Variants in ANO2 observed in about 807,000 individuals in gnomAD.
ANO2 encodes anoctamin 2.
A neutral mutation model predicts 124.2 loss-of-function variants in ANO2; 101 were observed. That is an observed-to-expected ratio of 0.81 (90% CI 0.69 to 0.96). ANO2 has a LOEUF of 0.96. ANO2 is among the 40% of genes least tolerant of loss of function. The pLI is 0.00. For missense variants in ANO2, 1,293 were observed against 1,274.5 expected (o/e 1.01, Z -0.22); for synonymous variants, 486 against 482.5 (o/e 1.01, Z -0.09).
intron 14 of ANO2, among the ~76,000 whole-genome samples, chr12:5,698,828 C>G (rs1949292786): frequency 6.6e-6 from 1 of 152,112 alleles, no homozygotes; most frequent in South Asian, 2.1e-4. Context: ...ATTCGATCAA[C>G]TGGAAGACAG....
At chr12:5,906,411 C>A (rs181969376) in intron 3 of ANO2, among the ~76,000 whole-genome samples, 4 of 151,730 alleles carry the variant, frequency 2.6e-5, no homozygotes, top group African/African-American at 9.7e-5. Flanking sequence ...CCTGTAATCC[C>A]AGTACTTTGG....
chr12:5,611,987 A>G (rs535047051), intron 19 of ANO2, among the ~76,000 whole-genome samples: 100 of 152,356 alleles, frequency 6.6e-4, no homozygotes, highest in African/African-American at 2.0e-3. Context: ...ATTCTTCTTC[A>G]AAGCCACCAG....
At chr12:5,833,647 C>T (rs1305280920) in intron 4 of ANO2, among the ~76,000 whole-genome samples, 1 of 152,210 alleles carries the variant, frequency 6.6e-6, no homozygotes, top group Non-Finnish European at 1.5e-5. Context: ...GCATTACCGC[C>T]TGAGCTCTGC....
chr12:5,599,075 C>T (rs571456294), intron 20 of ANO2, among the ~76,000 whole-genome samples: 12 of 152,290 alleles, frequency 7.9e-5, no homozygotes, highest in African/African-American at 2.4e-4. Flanking sequence ...CAAGTGTCAT[C>T]GGATACTTTC....
intron 4 of ANO2, among the ~76,000 whole-genome samples, chr12:5,847,025 C>G (rs539709226): frequency 2.2e-4 from 33 of 152,094 alleles, no homozygotes; most frequent in Non-Finnish European, 4.1e-4. Flanking sequence ...CCATTGGGTG[C>G]CCAGATATTT....
Position 5,868,681 on chromosome 12 carries a change from G to T in ANO2, c.535-14540C>A, listed in dbSNP as rs941319426. On this transcript the variant is annotated intron_variant, in intron 3 of 24. Transcript: ENST00000682330. ...GGCATTTTCTCCCCCTCTATGAGGC[G>T]AAAGCCCAGTCTGGATCGTGTCCTC... is the stretch of plus-strand genomic sequence containing the variant. Among the ~76,000 whole-genome samples the T allele has an allele frequency of 7.2e-5, 11 of 152,254 alleles. No homozygotes were observed. The South Asian group carries it at 2.3e-3, about 32-fold the overall frequency.
chr12:5,860,179 C>A (rs1384756334), intron 3 of ANO2, among the ~76,000 whole-genome samples: 2 of 152,236 alleles, frequency 1.3e-5, no homozygotes, highest in East Asian at 3.9e-4. Context: ...CTCTCATCAT[C>A]CCCCATCCCA....
In ANO2 at chr12:5,620,913, A is replaced by G. The variant is rs114011180; in HGVS notation, c.1817-5616T>C. Among the ~76,000 whole-genome samples the G allele has an allele frequency of 5.9e-3, 896 of 152,282 alleles. 10 individuals carry two copies. The highest frequency in any genetic ancestry group is 0.02 in the African/African-American group (834 of 41,564). On this transcript the variant is annotated intron_variant, in intron 16 of 24. Transcript: ENST00000682330. ...TGCCCCATAAGATCTTTAGCTTCTT[A>G]GGCCTTTCCCCTCTCTGCCACCAAG...
intron 12 of ANO2, among the ~76,000 whole-genome samples, chr12:5,741,691 T>A (rs908269587): frequency 6.6e-6 from 1 of 152,234 alleles, no homozygotes; most frequent in Non-Finnish European, 1.5e-5. Context: ...TGGGTGCTCA[T>A]CTGTGCCAGG....
Position 5,600,437 on chromosome 12 carries a change from A to T in ANO2, c.2088-808T>A, listed in dbSNP as rs571834905. Among the ~76,000 whole-genome samples the T allele has an allele frequency of 1.4e-3, 207 of 152,346 alleles. 1 individual carries two copies. The highest frequency in any genetic ancestry group is 6.8e-3 in the Middle Eastern group (2 of 292). On this transcript the variant is annotated intron_variant, in intron 19 of 24. Transcript: ENST00000682330. ...CATTTTGTTACAGCAGCCTGAGCAG[A>T]CTAAGACAACTACATTCAGGACTTT...
At chr12:5,572,862 C>T (rs745404964) in intron 23 of ANO2, among the ~76,000 whole-genome samples, 78 of 152,086 alleles carry the variant, frequency 5.1e-4, no homozygotes, top group Non-Finnish European at 1.0e-3. Flanking sequence ...AGATTTTTTT[C>T]TAAAACGGGC....
At chr12:5,732,921 C>T (rs1391323747) in intron 13 of ANO2, 1 of 1,612,986 alleles carries the variant, frequency 6.2e-7, no homozygotes, top group Non-Finnish European at 8.5e-7. Flanking sequence ...GAAATGTTAA[C>T]TGGATGGCTG....
At chr12:5,757,044 G>A (rs1179653201) in intron 10 of ANO2, among the ~76,000 whole-genome samples, 5 of 152,372 alleles carry the variant, frequency 3.3e-5, no homozygotes, top group Non-Finnish European at 5.9e-5. Context: ...TGGTTCTGCT[G>A]CCAGAAAGCA....
At chr12:5,727,343 A>G (rs886708752) in intron 14 of ANO2, among the ~76,000 whole-genome samples, 4 of 152,032 alleles carry the variant, frequency 2.6e-5, no homozygotes, top group African/African-American at 9.7e-5. Flanking sequence ...AAACTTCCTG[A>G]GGCCTCCTTA....
At chr12:5,627,568 C>T (rs937498299) in intron 16 of ANO2, among the ~76,000 whole-genome samples, 8 of 152,212 alleles carry the variant, frequency 5.3e-5, no homozygotes, top group Non-Finnish European at 1.5e-5. Flanking sequence ...AAAGCCAACA[C>T]TTTCACCCCA....
rs149303604 is a variant in ANO2, at chr12:5,592,640, G to A, written c.2233+6844C>T. Among the ~76,000 whole-genome samples, 236 of 152,278 alleles carry A rather than the reference G, an allele frequency of 1.5e-3. 2 individuals carry two copies. The highest frequency in any genetic ancestry group is 5.1e-3 in the African/African-American group (214 of 41,560). On this transcript the variant is annotated intron_variant, in intron 20 of 24. Transcript: ENST00000682330. ...ATCTGGCTTGCATCTTTTAAAAGCC[G>A]TTCTAAAAAGCAAGAAGGAAAGGTA...
At chr12:5,566,792 T>A (rs915050551) in intron 23 of ANO2, among the ~76,000 whole-genome samples, 4 of 152,066 alleles carry the variant, frequency 2.6e-5, no homozygotes, top group African/African-American at 9.7e-5. Flanking sequence ...TCGTGACCAG[T>A]AAAGGTGGAG....
At chr12:5,866,011 C>T (rs1180733915) in intron 3 of ANO2, among the ~76,000 whole-genome samples, 1 of 152,254 alleles carries the variant, frequency 6.6e-6, no homozygotes, top group African/African-American at 2.4e-5. Context: ...AACACCCCTA[C>T]TGGAGCTCAG....
intron 20 of ANO2, among the ~76,000 whole-genome samples, chr12:5,580,747 GC>G (rs1191510962): frequency 2.0e-5 from 3 of 152,200 alleles, no homozygotes; most frequent in Admixed American, 1.3e-4. Context: ...CAGCCCAACT[GC>G]TTTTGATTTG....
Sources: allele counts gnomAD v4.1 joint callset (sites outside exome capture counted in the v4.1 genomes callset), GRCh38; gene constraint gnomAD v4.1.1; transcripts MANE v1.5; gene names NCBI Gene and HGNC (gene_info 2026-07-23, HGNC 2026-07-21).